Variants in RAB5A observed in about 807,000 individuals in gnomAD.
The protein encoded by RAB5A is ras-related protein Rab-5A.
Under a neutral mutation model 25.7 loss-of-function variants are expected in RAB5A, and 8 were observed. That is an observed-to-expected ratio of 0.31 (90% CI 0.18 to 0.56). The LOEUF (loss-of-function observed/expected upper bound fraction) is 0.56, where lower values mean the gene tolerates loss of function less well. Among genes scored for constraint, RAB5A ranks in the 20% least tolerant of loss-of-function variants. RAB5A has a pLI of 0.91. For missense variants in RAB5A, 192 were observed against 259.7 expected, an observed-to-expected ratio of 0.74 and a Z score of 1.79; for synonymous variants, 98 against 89.8, an observed-to-expected ratio of 1.09 and a Z score of -0.52.
At chr3:19,961,919 T>A (rs1305923708) in intron 2 of RAB5A, among the ~76,000 whole-genome samples, 1 of 152,232 alleles carries the variant, frequency 6.6e-6, no homozygotes. Flanking sequence ...CACAAATGAC[T>A]CCTCCAAAAT....
At chr3:19,954,393 T>G (rs1193682253) in intron 2 of RAB5A, among the ~76,000 whole-genome samples, 2 of 152,212 alleles carry the variant, frequency 1.3e-5, no homozygotes, top group African/African-American at 4.8e-5. Context: ...AATTTTAATC[T>G]CTATTTGATT....
At chr3:19,964,866 T>TG (rs1271604357) in intron 2 of RAB5A, among the ~76,000 whole-genome samples, 1 of 151,716 alleles carries the variant, frequency 6.6e-6, no homozygotes, top group Admixed American at 6.6e-5. Flanking sequence ...CCTCCTAAAA[T>TG]GCTAGAATTA....
At chr3:19,948,554 G>T (rs1696369059) in intron 1 of RAB5A, among the ~76,000 whole-genome samples, 1 of 152,178 alleles carries the variant, frequency 6.6e-6, no homozygotes, top group Non-Finnish European at 1.5e-5. Flanking sequence ...CAAAATTCTT[G>T]TTTTGCAAAA....
intron 2 of RAB5A, among the ~76,000 whole-genome samples, chr3:19,956,315 G>A (rs770293587): frequency 3.9e-5 from 6 of 152,260 alleles, no homozygotes; most frequent in Admixed American, 3.3e-4. Context: ...TTAGCTAGGC[G>A]TGGTGGTGGG....
At chr3:19,950,673 A>G in intron 1 of RAB5A, 133 bp from the exon 2 acceptor site, 3 of 395,784 alleles carry the variant, frequency 7.6e-6, no homozygotes, top group South Asian at 7.8e-5. Flanking sequence ...TTTAAAAGAT[A>G]GTGACATAAT....
chr3:19,973,942 T>C (rs1696786916), intron 2 of RAB5A, among the ~76,000 whole-genome samples: 1 of 152,166 alleles, frequency 6.6e-6, no homozygotes, highest in Non-Finnish European at 1.5e-5. Context: ...TAGAGAAATA[T>C]ATCATAATTC....
intron 2 of RAB5A, among the ~76,000 whole-genome samples, chr3:19,952,364 C>T (rs900647583): frequency 6.6e-6 from 1 of 152,144 alleles, no homozygotes; most frequent in East Asian, 1.9e-4. Flanking sequence ...ATGCTGTTTT[C>T]TAAGGTATTC....
intron 2 of RAB5A, among the ~76,000 whole-genome samples, chr3:19,956,961 T>C (rs1696513090): frequency 6.6e-6 from 1 of 151,562 alleles, no homozygotes; most frequent in Non-Finnish European, 1.5e-5. Flanking sequence ...TTTTTTTTTT[T>C]TTAAACAGCC....
At chr3:19,978,469 G>T in intron 5 of RAB5A, 66 bp downstream of exon 5, 1 of 1,270,178 alleles carries the variant, frequency 7.9e-7, no homozygotes, top group South Asian at 1.3e-5. Flanking sequence ...TATTTGGTTT[G>T]ACTGTCTCTT....
rs1696980730 is a variant in RAB5A, at chr3:19,983,855, C to T, written c.*32C>T. 7.2e-7 allele frequency: 1 copy of T among 1,395,252 alleles called. No individual in the cohort carries two copies. The highest frequency in any genetic ancestry group is 1.4e-5 in the African/African-American group (1 of 69,410). 86.4% of individuals were successfully genotyped at this position (1,395,252 alleles called of 1,614,324 possible). On this transcript the variant is annotated 3_prime_UTR_variant, in exon 6 of 6. Coordinates refer to ENST00000273047, the MANE Select transcript of RAB5A (RefSeq NM_004162.5). ...AGTTTGAACTAGCTGGAATAGTCTTCTGCTTCCTAAATGTTAATAACAATG... is the reference window on the plus strand; with the variant it reads ...AGTTTGAACTAGCTGGAATAGTCTTTTGCTTCCTAAATGTTAATAACAATG...
At position 19,982,998 on chromosome 3, in the gene RAB5A, TACTG is replaced by T. The variant is rs1274407554; in HGVS notation, c.533-709_533-706del. 2.0e-5 allele frequency among the ~76,000 whole-genome samples: 3 copies of T among 152,172 alleles called. No homozygotes were observed. In the East Asian group the frequency reaches 5.8e-4, roughly 29 times the overall value. On this transcript the variant is annotated intron_variant, in intron 5 of 5. Coordinates refer to ENST00000273047, the MANE Select transcript of RAB5A (RefSeq NM_004162.5). ...TATGAGCTGAGCTTCTTTATAAACT[TACTG>T]GCTGGCCATCATCTTTATTGACTTA...
At chr3:19,973,114 T>C (rs4858632) in intron 2 of RAB5A, among the ~76,000 whole-genome samples, 28,948 of 152,112 alleles carry the variant, frequency 0.19, 3,056 homozygotes, top group Non-Finnish European at 0.24. Flanking sequence ...AGGATGTGCT[T>C]AGGTTATATA....
chr3:19,960,997 C>T (rs1696576648), intron 2 of RAB5A, among the ~76,000 whole-genome samples: 1 of 152,092 alleles, frequency 6.6e-6, no homozygotes, highest in Non-Finnish European at 1.5e-5. Flanking sequence ...AAACTAGAGC[C>T]AGAATATATT....
chr3:19,951,318 C>G, intron 2 of RAB5A: 1 of 347,146 alleles, frequency 2.9e-6, no homozygotes, highest in South Asian at 5.7e-5. Context: ...GAATCAGTGT[C>G]TCAAGTAATA....
At chr3:19,969,926 C>T (rs1323339543) in intron 2 of RAB5A, among the ~76,000 whole-genome samples, 2 of 152,194 alleles carry the variant, frequency 1.3e-5, no homozygotes, top group African/African-American at 4.8e-5. Context: ...GCCTCAGTCT[C>T]CTGAGTAGCT....
At chr3:19,973,508 TA>T (rs1346777383) in intron 2 of RAB5A, among the ~76,000 whole-genome samples, 1 of 152,190 alleles carries the variant, frequency 6.6e-6, no homozygotes, top group East Asian at 1.9e-4. Flanking sequence ...TTTAAAATTT[TA>T]GTTTAAAAAC....
chr3:19,949,721 A>G (rs1389313623), intron 1 of RAB5A, among the ~76,000 whole-genome samples: 2 of 152,186 alleles, frequency 1.3e-5, no homozygotes, highest in Non-Finnish European at 2.9e-5. Flanking sequence ...TTCAGGCTAG[A>G]TTTCTTTAAT....
chr3:19,955,675 C>G (rs1385691420), intron 2 of RAB5A, among the ~76,000 whole-genome samples: 1 of 152,092 alleles, frequency 6.6e-6, no homozygotes, highest in Non-Finnish European at 1.5e-5. Context: ...GGGCGGATCA[C>G]GAGGTCAGGA....
intron 5 of RAB5A, among the ~76,000 whole-genome samples, chr3:19,980,451 TTTTC>T (rs1410881509): frequency 1.1e-4 from 17 of 151,508 alleles, no homozygotes; most frequent in Admixed American, 2.0e-4. Flanking sequence ...GTAAATTTTT[TTTTC>T]TTTTTTTTTT....
Sources: gnomAD v4.1 joint callset for allele counts (sites outside exome capture counted in the v4.1 genomes callset) on GRCh38, gnomAD v4.1.1 for gene constraint, MANE v1.5 for transcripts, NCBI Gene and HGNC (gene_info 2026-07-23, HGNC 2026-07-21) for gene names.